Variants in PTPRF observed in about 807,000 individuals in gnomAD.
PTPRF encodes the protein receptor-type tyrosine-protein phosphatase F.
PTPRF carries 59 observed loss-of-function variants against 201.8 expected under a neutral mutation model. The ratio of observed to expected loss-of-function variants is 0.29; its 90% CI spans 0.24 to 0.36. The LOEUF (loss-of-function observed/expected upper bound fraction) is 0.36, where lower values mean the gene tolerates loss of function less well. Ranked by LOEUF, PTPRF falls within the 10% of genes least tolerant of loss-of-function variation. The pLI is 1.00. For synonymous variants in PTPRF, 1,088 were observed against 1,089.7 expected, an observed-to-expected ratio of 1.00 and a Z score of 0.03; for missense variants, 2,132 against 2,690.5, an observed-to-expected ratio of 0.79 and a Z score of 4.59.
intron 2 of PTPRF, among the ~76,000 whole-genome samples, chr1:43,543,083 T>C (rs945424847): frequency 2.0e-5 from 3 of 152,150 alleles, no homozygotes; most frequent in African/African-American, 7.2e-5. Context: ...TGTTGAGTTA[T>C]AAACTCATGT....
chr1:43,527,888 C>T (rs549078569), upstream of PTPRF, among the ~76,000 whole-genome samples: 20 of 152,338 alleles, frequency 1.3e-4, no homozygotes, highest in South Asian at 1.0e-3. Context: ...GCTGTTCCCT[C>T]ACTTAGTCAT....
chr1:43,588,935 A>G lies in PTPRF; in HGVS notation c.884A>G (p.Asn295Ser), dbSNP rs751350194. The G allele has an allele frequency of 3.0e-5, 48 of 1,600,380 alleles. 1 individual carries two copies. Among genetic ancestry groups the G allele is most frequent in the East Asian group, 1.6e-4 (7 of 44,596 alleles). Residue 295 changes from asparagine to serine, a missense_variant, in exon 8 of 34, where the codon AAC becomes AGC. Physicochemically the swap from Asn to Ser is conservative, Grantham distance 46. Transcript: ENST00000359947. The surrounding 1 kb of genome is among the most constrained non-coding windows in gnomAD (Gnocchi z 5.3). ...LELSNVVRSANYTCVAISSLG... is the reference protein window; with the variant it reads ...LELSNVVRSASYTCVAISSLG... ...CTCAGCAATGTCGTACGCTCTGCCA[A>G]CTACACCTGTGTGGCCATCTCCTCG...
At position 43,619,146 on chromosome 1, in the gene PTPRF, A is replaced by T; in HGVS notation, c.4590A>T (p.Leu1530=). Reference sequence around the variant, plus strand: ...ACCCAACTCCCATCCTGGCCTTCCTACGACGGGTCAAGGCCTGCAACCCCC... The same window carrying T: ...ACCCAACTCCCATCCTGGCCTTCCTTCGACGGGTCAAGGCCTGCAACCCCC... ...PEYPTPILAF[L]RRVKACNPLD... The change falls in exon 27 of 34, where the codon CTA becomes CTT. Residue 1530 remains leucine, a synonymous_variant. Transcript: ENST00000359947. 1 of 1,605,086 alleles carries T rather than the reference A, an allele frequency of 6.2e-7. No homozygotes were observed. The highest frequency in any genetic ancestry group is 1.7e-5 in the Admixed American group (1 of 59,634).
In PTPRF at chr1:43,553,817, T is replaced by C. The variant is rs1645179942; in HGVS notation, c.255T>C (p.Asp85=). ...SQRFEVIEFD[D]GAGSVLRIQP... is the part of the protein sequence containing the mutation. The stretch of plus-strand genomic sequence containing the variant: ...TCTGACAGGTCATTGAGTTTGATGA[T>C]GGGGCAGGGTCAGTGCTTCGGATCC... Residue 85 remains aspartate (D), a synonymous_variant, in exon 5 of 34, where the codon GAT becomes GAC. Coordinates refer to ENST00000359947, the MANE Select transcript of PTPRF (RefSeq NM_002840.5). The surrounding 1 kb of genome is among the most constrained non-coding windows in gnomAD (Gnocchi z 4.1). 6.2e-7 allele frequency: 1 copy of C among 1,614,132 alleles called. No homozygotes were observed. Among genetic ancestry groups the C allele is most frequent in the African/African-American group, 1.3e-5 (1 of 75,036 alleles).
chr1:43,574,153 C>T (rs185741281), intron 6 of PTPRF, among the ~76,000 whole-genome samples: 3 of 151,846 alleles, frequency 2.0e-5, no homozygotes, highest in Admixed American at 6.6e-5. Context: ...TGAGTCACCA[C>T]GCCTGGGTAA....
At chr1:43,618,532 A>T in intron 25 of PTPRF, 98 bp from the exon 26 acceptor site, 1 of 1,435,542 alleles carries the variant, frequency 7.0e-7, no homozygotes, top group Non-Finnish European at 9.5e-7. Context: ...CTTTGTAGCC[A>T]GAAAGGCTAC....
At chr1:43,590,556 G>A (rs910428881) in intron 8 of PTPRF, among the ~76,000 whole-genome samples, 1 of 152,158 alleles carries the variant, frequency 6.6e-6, no homozygotes, top group African/African-American at 2.4e-5. Flanking sequence ...CCCTTCCCCT[G>A]CCTATTACAC....
intron 5 of PTPRF, 147 bp from the exon 6 acceptor site, chr1:43,569,443 G>A (rs1457146819): frequency 9.2e-6 from 7 of 760,568 alleles, no homozygotes; most frequent in Admixed American, 3.1e-5. Flanking sequence ...TCCTCAAATC[G>A]GGGTATGCTT....
intron 17 of PTPRF, 55 bp downstream of exon 17, chr1:43,605,055 C>T: frequency 6.3e-7 from 1 of 1,594,804 alleles, no homozygotes; most frequent in Non-Finnish European, 8.6e-7. Context: ...CTGCTGGGTG[C>T]TGTCTTTCCA....
chr1:43,601,673 T>G (rs1194629056), intron 13 of PTPRF, among the ~76,000 whole-genome samples: 2 of 152,212 alleles, frequency 1.3e-5, no homozygotes, highest in Non-Finnish European at 2.9e-5. Context: ...GGGCACCCCA[T>G]TCACCCCTCA....
Position 43,573,977 on chromosome 1 carries a change from C to CTTTTTTTTTTTTTTTTTTT in PTPRF, c.568+4217_568+4235dup, listed in dbSNP as rs77543816. Among the ~76,000 whole-genome samples the CTTTTTTTTTTTTTTTTTTT allele has an allele frequency of 7.8e-5, 5 of 63,920 alleles. 1 individual carries two copies. The highest frequency in any genetic ancestry group is 1.3e-3 in the East Asian group (2 of 1,520). The allele number at this position is 63,920 out of a possible 152,430, so 41.9% of individuals were successfully genotyped here. On this transcript the variant is annotated intron_variant, in intron 6 of 33. Transcript: ENST00000359947. ...CAAAGAGGGTTTGCTTGTGTGGGTT[C>CTTTTTTTTTTTTTTTTTTT]TTTTTTTTTTTTTTTTTTTTTTTTT...
In PTPRF at chr1:43,605,031, GCA is replaced by G. The variant is rs756298919; in HGVS notation, c.3135+40_3135+41del. Reference sequence around the variant, plus strand: ...TAAGGGCCACGGCCAGCTGAGCCTGGCACACACACAGGCCTGCTGGGTGCTGT... The same window carrying G: ...TAAGGGCCACGGCCAGCTGAGCCTGGCACACACAGGCCTGCTGGGTGCTGT... On this transcript the variant is annotated intron_variant, in intron 17 of 33. Coordinates refer to ENST00000359947, the MANE Select transcript of PTPRF (RefSeq NM_002840.5). The G allele has an allele frequency of 6.9e-5, 111 of 1,603,434 alleles. No homozygotes were observed. In the African/African-American group the frequency reaches 1.3e-3, roughly 19 times the overall value.
intron 5 of PTPRF, among the ~76,000 whole-genome samples, chr1:43,559,923 C>G (rs1012078294): frequency 7.1e-6 from 1 of 141,782 alleles, no homozygotes; most frequent in African/African-American, 2.7e-5. Context: ...GTGTGTACAG[C>G]AGGTGGTGTG....
chr1:43,522,462 G>C (rs1159590530), upstream of PTPRF, among the ~76,000 whole-genome samples: 1 of 152,170 alleles, frequency 6.6e-6, no homozygotes, highest in Admixed American at 6.5e-5. Flanking sequence ...GGTAGTGACT[G>C]GGTGCCAGAC....
Position 43,569,687 on chromosome 1 carries a change from C to T in PTPRF, c.477C>T (p.Gly159=), listed in dbSNP as rs759485037. Residue 159 remains glycine (G), a synonymous_variant, in exon 6 of 34, where the codon GGC becomes GGT. Coordinates refer to ENST00000359947, the MANE Select transcript of PTPRF (RefSeq NM_002840.5). Reference sequence around the variant, plus strand: ...CAGCCACCATGCTATGTGCCGCAGGCGGAAATCCAGACCCTGAGATTTCTT... The same window carrying T: ...CAGCCACCATGCTATGTGCCGCAGGTGGAAATCCAGACCCTGAGATTTCTT... ...ARTATMLCAA[G]GNPDPEISWF... 6 of 1,614,084 alleles carry T rather than the reference C, an allele frequency of 3.7e-6. No individual in the cohort carries two copies. The highest frequency in any genetic ancestry group is 1.3e-5 in the African/African-American group (1 of 75,046).
intron 5 of PTPRF, among the ~76,000 whole-genome samples, chr1:43,559,250 G>A (rs866083585): frequency 1.3e-5 from 2 of 152,124 alleles, no homozygotes; most frequent in Non-Finnish European, 2.9e-5. Flanking sequence ...CAGCGCACAC[G>A]TTACCATCAG....
Position 43,545,084 on chromosome 1 carries a change from T to C in PTPRF, c.9T>C (p.Pro3=). Residue 3 remains proline (P), a synonymous_variant, in exon 3 of 34, where the codon CCT becomes CCC. Transcript: ENST00000359947. MA[P]EPAPGRTMVP... ...TGGAGCTAGAGCCCTGGATGGCCCC[T>C]GAGCCAGCCCCAGGGAGGACGATGG... 1.3e-6 allele frequency: 2 copies of C among 1,578,726 alleles called. No individual in the cohort carries two copies. Among genetic ancestry groups the C allele is most frequent in the Non-Finnish European group, 8.6e-7 (1 of 1,161,820 alleles).
intron 3 of PTPRF, among the ~76,000 whole-genome samples, chr1:43,545,539 G>A (rs990048635): frequency 1.3e-5 from 2 of 152,138 alleles, no homozygotes. Flanking sequence ...TGGGAATGGG[G>A]GGTGGCACGC....
chr1:43,596,189 G>T lies in PTPRF; in HGVS notation c.1814-1559G>T, dbSNP rs116437298. Among the ~76,000 whole-genome samples the T allele has an allele frequency of 2.8e-3, 431 of 152,286 alleles. 1 individual carries two copies. The highest frequency in any genetic ancestry group is 0.01 in the African/African-American group (416 of 41,556). ...TGGACAGGCATCCTGAGGAGCTGGC[G>T]AGCAGGCTCAGTGCCCGGGGCCTGG... On this transcript the variant is annotated intron_variant, in intron 11 of 33. Coordinates refer to ENST00000359947, the MANE Select transcript of PTPRF (RefSeq NM_002840.5).
Sources: gnomAD v4.1 joint callset for allele counts (sites outside exome capture counted in the v4.1 genomes callset) on GRCh38, gnomAD v4.1.1 for gene constraint, Gnocchi (gnomAD v3.1) non-coding constraint, MANE v1.5 for transcripts, NCBI Gene and HGNC (gene_info 2026-07-23, HGNC 2026-07-21) for gene names.